Variants in XNDC1N observed in about 807,000 individuals in gnomAD.
The protein encoded by XNDC1N is protein XNDC1N.
the XNDC1N span, chr11:71,923,489 CAGA>C: frequency 4.7e-6 from 3 of 632,428 alleles, no homozygotes; most frequent in South Asian, 5.3e-5. Flanking sequence ...AAAAAGAGAA[CAGA>C]AGAAAAACAA....
the XNDC1N span, chr11:71,878,451 C>T: frequency 6.2e-7 from 1 of 1,611,750 alleles, no homozygotes. Context: ...ACCTATTCAA[C>T]CATGAGGGTC....
chr11:71,918,939 A>G, the XNDC1N span: 1 of 702,748 alleles, frequency 1.4e-6, no homozygotes, highest in African/African-American at 1.7e-5. Context: ...TCTACTTTCA[A>G]TTGCCCACTC....
chr11:71,915,642 T>G, the XNDC1N span, among the ~76,000 whole-genome samples: 1 of 152,104 alleles, frequency 6.6e-6, no homozygotes, highest in African/African-American at 2.4e-5. Flanking sequence ...CAAATGAAAC[T>G]GTAGAGCACA....
chr11:71,876,240 A>G, the XNDC1N span, among the ~76,000 whole-genome samples: 3 of 152,218 alleles, frequency 2.0e-5, no homozygotes, highest in African/African-American at 7.2e-5. Flanking sequence ...AAATTTAATT[A>G]TCTAATGGTA....
chr11:71,913,323 G>A, the XNDC1N span, among the ~76,000 whole-genome samples: 1 of 151,912 alleles, frequency 6.6e-6, no homozygotes, highest in African/African-American at 2.4e-5. Context: ...ACAGGGGTGT[G>A]TTAACCCCCT....
chr11:71,874,135 C>T, the XNDC1N span, among the ~76,000 whole-genome samples: 1,889 of 152,070 alleles, frequency 0.012, 42 homozygotes, highest in African/African-American at 0.044. Context: ...ACCAACATGG[C>T]GAAACTCCAT....
chr11:71,892,125 CG>C, the XNDC1N span, among the ~76,000 whole-genome samples: 4 of 152,054 alleles, frequency 2.6e-5, no homozygotes, highest in Non-Finnish European at 5.9e-5. Context: ...ATATCACTCA[CG>C]GTGTACACCC....
chr11:71,869,743 T>G, the XNDC1N span, among the ~76,000 whole-genome samples: 1 of 152,214 alleles, frequency 6.6e-6, no homozygotes, highest in Non-Finnish European at 1.5e-5. Context: ...ATTATATGTC[T>G]GTCATTTCAG....
At chr11:71,891,450 T>G in the XNDC1N span, among the ~76,000 whole-genome samples, 1 of 151,942 alleles carries the variant, frequency 6.6e-6, no homozygotes, top group African/African-American at 2.4e-5. Context: ...GCCTGCGATT[T>G]TGGGAGTAAT....
chr11:71,907,949 G>T, the XNDC1N span, among the ~76,000 whole-genome samples: 1 of 152,138 alleles, frequency 6.6e-6, no homozygotes, highest in Non-Finnish European at 1.5e-5. Flanking sequence ...ATCACGGGTG[G>T]ATGCACACTC....
chr11:71,916,108 C>T, the XNDC1N span: 3 of 702,912 alleles, frequency 4.3e-6, no homozygotes, highest in East Asian at 8.0e-5. Context: ...GGCTGAGGGA[C>T]CCACCACAGA....
At chr11:71,893,194 C>T in the XNDC1N span, among the ~76,000 whole-genome samples, 142 of 152,274 alleles carry the variant, frequency 9.3e-4, 1 homozygote, top group African/African-American at 3.2e-3. Context: ...ACTGAGATCA[C>T]GGAGTTGTTA....
At chr11:71,893,420 T>G in the XNDC1N span, 10 of 710,568 alleles carry the variant, frequency 1.4e-5, no homozygotes, top group East Asian at 1.1e-4. Flanking sequence ...GTTTTTATCT[T>G]TTATTTTTCC....
At chr11:71,922,277 A>G in the XNDC1N span, among the ~76,000 whole-genome samples, 2 of 152,222 alleles carry the variant, frequency 1.3e-5, no homozygotes, top group East Asian at 3.9e-4. Flanking sequence ...GTTCCTAAAG[A>G]TCCTCTAAGG....
chr11:71,906,377 C>G, the XNDC1N span, among the ~76,000 whole-genome samples: 1 of 151,950 alleles, frequency 6.6e-6, no homozygotes, highest in Non-Finnish European at 1.5e-5. Flanking sequence ...TGCCTACACC[C>G]CCTGCGTCAT....
At chr11:71,918,790 C>G in the XNDC1N span, 2 of 653,278 alleles carry the variant, frequency 3.1e-6, no homozygotes, top group Admixed American at 4.5e-5. Context: ...AAAGGCTGCT[C>G]AGCCAGAATG....
At chr11:71,891,981 A>T in the XNDC1N span, among the ~76,000 whole-genome samples, 1 of 151,856 alleles carries the variant, frequency 6.6e-6, no homozygotes, top group African/African-American at 2.4e-5. Context: ...GGGAGGTGGT[A>T]CACCCCCAGT....
chr11:71,894,756 A>G, the XNDC1N span, among the ~76,000 whole-genome samples: 1 of 152,256 alleles, frequency 6.6e-6, no homozygotes, highest in Non-Finnish European at 1.5e-5. Context: ...TATGGAAACA[A>G]TGTACAGGAG....
the XNDC1N span, among the ~76,000 whole-genome samples, chr11:71,874,761 T>A: frequency 1.3e-5 from 2 of 152,110 alleles, no homozygotes; most frequent in African/African-American, 4.8e-5. Flanking sequence ...GAAAAAAAAA[T>A]TGCCTCCTAA....
Sources: allele counts gnomAD v4.1 joint callset (sites outside exome capture counted in the v4.1 genomes callset), GRCh38; gene constraint gnomAD v4.1.1; transcripts MANE v1.5; gene names NCBI Gene and HGNC (gene_info 2026-07-23, HGNC 2026-07-21).